HIVEP3: variants seen among roughly 807,000 people sequenced by gnomAD.
HIVEP3 encodes the protein HIVEP zinc finger 3.
In HIVEP3, 49 loss-of-function variants were observed where a neutral mutation model predicts 152.8. The ratio of observed to expected loss-of-function variants is 0.32; its 90% CI spans 0.26 to 0.41. The LOEUF (loss-of-function observed/expected upper bound fraction) is 0.41, where lower values mean the gene tolerates loss of function less well. HIVEP3 is among the 10% of genes least tolerant of loss of function. The pLI is 1.00. For missense variants in HIVEP3, 2,790 were observed against 3,103.3 expected, an observed-to-expected ratio of 0.90 and a Z score of 2.40; for synonymous variants, 1,269 against 1,289.0, an observed-to-expected ratio of 0.98 and a Z score of 0.33.
At chr1:41,574,083 C>T (rs1644290816) in intron 5 of HIVEP3, among the ~76,000 whole-genome samples, 1 of 152,102 alleles carries the variant, frequency 6.6e-6, no homozygotes, top group Admixed American at 6.5e-5. Flanking sequence ...ATGCGAACCT[C>T]CCCGGGCACA....
At chr1:42,033,202 C>A (rs1282333743) in intron 1 of HIVEP3, among the ~76,000 whole-genome samples, 2 of 152,190 alleles carry the variant, frequency 1.3e-5, no homozygotes, top group Non-Finnish European at 2.9e-5. Context: ...GGTCCTACCA[C>A]CATCTGACCC....
chr1:41,839,449 A>G (rs1425282332), intron 1 of HIVEP3, among the ~76,000 whole-genome samples: 6 of 152,198 alleles, frequency 3.9e-5, no homozygotes, highest in Non-Finnish European at 7.4e-5. Flanking sequence ...TGCAGCAGCA[A>G]CTGGTCTCAG....
intron 1 of HIVEP3, among the ~76,000 whole-genome samples, chr1:41,852,832 T>A (rs1015998453): frequency 3.9e-5 from 6 of 152,230 alleles, no homozygotes; most frequent in African/African-American, 1.4e-4. Context: ...TAATTTCTTA[T>A]CCTTTCTTCC....
At chr1:41,779,846 A>G (rs547418311) in intron 1 of HIVEP3, among the ~76,000 whole-genome samples, 3 of 152,264 alleles carry the variant, frequency 2.0e-5, no homozygotes, top group Admixed American at 6.5e-5. Flanking sequence ...TGCTTGCTGC[A>G]TGGGGAGAAA....
intron 5 of HIVEP3, among the ~76,000 whole-genome samples, chr1:41,558,210 G>T (rs1643999596): frequency 6.6e-6 from 1 of 152,212 alleles, no homozygotes; most frequent in Admixed American, 6.5e-5. Flanking sequence ...GGCCCAGGCA[G>T]CATTGGGAAC....
chr1:41,744,274 C>T (rs898972405), intron 1 of HIVEP3, among the ~76,000 whole-genome samples: 13 of 152,276 alleles, frequency 8.5e-5, no homozygotes, highest in Admixed American at 3.3e-4. Context: ...CTCCTGACCT[C>T]GTGATCCACC....
chr1:41,788,064 C>T (rs968368576), intron 1 of HIVEP3, among the ~76,000 whole-genome samples: 2 of 152,194 alleles, frequency 1.3e-5, no homozygotes, highest in East Asian at 1.9e-4. Flanking sequence ...CCCGGTGCCA[C>T]CCTCTGTCTA....
intron 2 of HIVEP3, among the ~76,000 whole-genome samples, chr1:41,679,681 C>T (rs1418961619): frequency 6.6e-6 from 1 of 152,222 alleles, no homozygotes. Context: ...CTGCTTGGCT[C>T]CAGACTCTCA....
intron 1 of HIVEP3, among the ~76,000 whole-genome samples, chr1:41,742,662 C>T (rs1264548447): frequency 2.6e-5 from 4 of 152,178 alleles, no homozygotes; most frequent in Non-Finnish European, 5.9e-5. Flanking sequence ...GATTTAGGGC[C>T]TGTGTGGGGC....
intron 1 of HIVEP3, among the ~76,000 whole-genome samples, chr1:41,718,116 G>T (rs910380490): frequency 2.6e-5 from 4 of 152,232 alleles, no homozygotes; most frequent in African/African-American, 9.6e-5. Context: ...CTCCATATGG[G>T]AAATTGGCAG....
chr1:41,509,766 C>G lies in HIVEP3; in HGVS notation c.*685G>C, dbSNP rs983498932. On this transcript the variant is annotated 3_prime_UTR_variant, in exon 9 of 9. Transcript: ENST00000372583. The stretch of plus-strand genomic sequence containing the variant: ...TGGGGAGCCAGCCCTCCTCCTTCTA[C>G]CTGCACCTATTATTTTGTGTTGAAA... 6.7e-6 allele frequency: 1 copy of G among 148,376 alleles called. No individual in the cohort carries two copies. The highest frequency in any genetic ancestry group is 2.5e-5 in the African/African-American group (1 of 40,292). The allele number at this position is 148,376 out of a possible 1,614,324, so 9.2% of individuals were successfully genotyped here.
chr1:41,698,299 T>C (rs1262080395), intron 2 of HIVEP3, among the ~76,000 whole-genome samples: 4 of 152,154 alleles, frequency 2.6e-5, no homozygotes, highest in Non-Finnish European at 5.9e-5. Flanking sequence ...TGAGGACCTG[T>C]TCCCTCCTTG....
intron 1 of HIVEP3, among the ~76,000 whole-genome samples, chr1:41,995,249 G>C (rs923405556): frequency 6.6e-6 from 1 of 152,126 alleles, no homozygotes; most frequent in Admixed American, 6.6e-5. Context: ...TATGACAAAA[G>C]TAACAGAAGT....
intron 2 of HIVEP3, among the ~76,000 whole-genome samples, chr1:41,651,778 A>T (rs951594837): frequency 7.2e-5 from 11 of 152,258 alleles, no homozygotes; most frequent in South Asian, 2.1e-4. Flanking sequence ...TTTTTTAAAA[A>T]TTTTTTTACA....
chr1:41,815,308 T>C (rs1651195520), intron 1 of HIVEP3, among the ~76,000 whole-genome samples: 1 of 152,152 alleles, frequency 6.6e-6, no homozygotes, highest in East Asian at 1.9e-4. Context: ...ACCCTTTCTC[T>C]ACAAAAAATA....
chr1:41,905,277 C>T (rs936865322), intron 1 of HIVEP3, among the ~76,000 whole-genome samples: 1 of 152,176 alleles, frequency 6.6e-6, no homozygotes, highest in African/African-American at 2.4e-5. Flanking sequence ...GGGCAGCCAG[C>T]ATCTGAGCTG....
At chr1:41,522,032 C>T (rs899026135) in intron 6 of HIVEP3, among the ~76,000 whole-genome samples, 8 of 152,322 alleles carry the variant, frequency 5.3e-5, no homozygotes, top group Admixed American at 2.6e-4. Flanking sequence ...ACACAAGAGA[C>T]GAGACACACA....
chr1:41,678,184 A>G (rs949155166), intron 2 of HIVEP3, among the ~76,000 whole-genome samples: 4 of 152,164 alleles, frequency 2.6e-5, no homozygotes, highest in Admixed American at 6.5e-5. Flanking sequence ...GGCGATCCCC[A>G]CAGCCTGTTC....
chr1:41,646,840 C>G (rs947595111), intron 2 of HIVEP3, among the ~76,000 whole-genome samples: 4 of 152,218 alleles, frequency 2.6e-5, no homozygotes, highest in Admixed American at 2.6e-4. Flanking sequence ...GTCTGGAGGT[C>G]ACACATCCAA....
Sources: gnomAD v4.1 joint callset for allele counts (sites outside exome capture counted in the v4.1 genomes callset) on GRCh38, gnomAD v4.1.1 for gene constraint, MANE v1.5 for transcripts, NCBI Gene and HGNC (gene_info 2026-07-23, HGNC 2026-07-21) for gene names.